TMCO5A: variants seen among roughly 807,000 people sequenced by gnomAD.
The protein encoded by TMCO5A is transmembrane and coiled-coil domain-containing protein 5A.
In TMCO5A, 34 loss-of-function variants were observed where a neutral mutation model predicts 42.3. The ratio of observed to expected loss-of-function variants is 0.80; its 90% CI spans 0.61 to 1.07. The LOEUF is 1.07. Ranked by LOEUF, TMCO5A falls within the 50% of genes least tolerant of loss-of-function variation. The pLI, the probability that TMCO5A is intolerant of heterozygous loss-of-function variation, is 0.00. For missense variants in TMCO5A, 357 were observed against 327.9 expected (o/e 1.09, Z -0.69); for synonymous variants, 131 against 115.6 (o/e 1.13, Z -0.86).
At chr15:37,942,418 C>T (rs1889780629) in intron 9 of TMCO5A, 163 bp downstream of exon 9, 1 of 603,842 alleles carries the variant, frequency 1.7e-6, no homozygotes, top group Non-Finnish European at 2.9e-6. Flanking sequence ...GTAGATCACA[C>T]CAACTTAAAA....
the TMCO5A span, among the ~76,000 whole-genome samples, chr15:38,033,611 TTTTTG>T: frequency 3.9e-5 from 6 of 151,978 alleles, no homozygotes; most frequent in East Asian, 7.7e-4. Flanking sequence ...TGTTTGGGTT[TTTTTG>T]TTTTGTTTTG....
chr15:37,973,428 G>T, the TMCO5A span, among the ~76,000 whole-genome samples: 1 of 152,048 alleles, frequency 6.6e-6, no homozygotes, highest in Admixed American at 6.6e-5. Context: ...CATAAGCATT[G>T]AATATGTCAT....
chr15:37,974,682 C>T, the TMCO5A span, among the ~76,000 whole-genome samples: 1 of 151,626 alleles, frequency 6.6e-6, no homozygotes, highest in Non-Finnish European at 1.5e-5. Flanking sequence ...TAATCTTATT[C>T]TTTCAAAAAA....
At chr15:37,979,336 C>T in the TMCO5A span, among the ~76,000 whole-genome samples, 5,471 of 151,826 alleles carry the variant, frequency 0.036, 327 homozygotes, top group African/African-American at 0.12. Context: ...AACAGGTCTG[C>T]CCACTATTGC....
chr15:37,968,998 T>C (rs1214595527), downstream of TMCO5A, among the ~76,000 whole-genome samples: 1 of 152,162 alleles, frequency 6.6e-6, no homozygotes, highest in Non-Finnish European at 1.5e-5. Context: ...TACTGTGTAG[T>C]GTTGGGAATA....
the TMCO5A span, among the ~76,000 whole-genome samples, chr15:37,986,033 A>G: frequency 1.3e-5 from 2 of 152,170 alleles, no homozygotes; most frequent in African/African-American, 4.8e-5. Flanking sequence ...ACTAGAAAAA[A>G]ACAACTGAGA....
At chr15:38,001,929 G>A in the TMCO5A span, among the ~76,000 whole-genome samples, 1 of 151,862 alleles carries the variant, frequency 6.6e-6, no homozygotes, top group Non-Finnish European at 1.5e-5. Context: ...TTTAGTCTTT[G>A]TACTCAAGAT....
chr15:37,951,809 G>C (rs1414701552), downstream of TMCO5A, among the ~76,000 whole-genome samples: 1 of 152,066 alleles, frequency 6.6e-6, no homozygotes, highest in Admixed American at 6.6e-5. Context: ...AATCAGGAGA[G>C]CACTCAGAGT....
intron 8 of TMCO5A, 57 bp downstream of exon 8, chr15:37,941,787 G>A: frequency 6.9e-7 from 1 of 1,448,324 alleles, no homozygotes; most frequent in South Asian, 1.1e-5. Context: ...GGATGAAATA[G>A]AACAAGGATT....
At chr15:38,034,762 C>T in the TMCO5A span, among the ~76,000 whole-genome samples, 1 of 152,176 alleles carries the variant, frequency 6.6e-6, no homozygotes, top group Non-Finnish European at 1.5e-5. Flanking sequence ...CACCAGGATA[C>T]CCAATGGACA....
the TMCO5A span, among the ~76,000 whole-genome samples, chr15:37,989,078 T>C: frequency 2.6e-5 from 4 of 151,986 alleles, no homozygotes; most frequent in Non-Finnish European, 5.9e-5. Context: ...GTTTTGTGTT[T>C]CTAGGAATTT....
the TMCO5A span, among the ~76,000 whole-genome samples, chr15:38,006,233 G>A: frequency 6.6e-6 from 1 of 152,228 alleles, no homozygotes; most frequent in Non-Finnish European, 1.5e-5. Context: ...TTCTTCATGA[G>A]AGGCAAGGTG....
chr15:37,954,246 G>A (rs1329165498), downstream of TMCO5A, among the ~76,000 whole-genome samples: 3 of 152,076 alleles, frequency 2.0e-5, no homozygotes, highest in East Asian at 5.8e-4. Flanking sequence ...ACTATGTCAA[G>A]GCATTTAATA....
chr15:37,978,921 G>A, the TMCO5A span, among the ~76,000 whole-genome samples: 1 of 151,812 alleles, frequency 6.6e-6, no homozygotes, highest in African/African-American at 2.4e-5. Context: ...AATGGCAGGA[G>A]CAGGACCAAG....
At chr15:37,968,112 T>C (rs1403988257), downstream of TMCO5A, among the ~76,000 whole-genome samples, 1 of 152,218 alleles carries the variant, frequency 6.6e-6, no homozygotes, top group Non-Finnish European at 1.5e-5. Flanking sequence ...CAGTGCTAAG[T>C]GCAGATAACA....
the TMCO5A span, among the ~76,000 whole-genome samples, chr15:38,023,510 C>G: frequency 6.6e-6 from 1 of 152,174 alleles, no homozygotes. Flanking sequence ...GGTAAACATT[C>G]TAAGAGGACT....
the TMCO5A span, among the ~76,000 whole-genome samples, chr15:37,982,834 A>T: frequency 1.8e-4 from 27 of 148,582 alleles, no homozygotes; most frequent in Non-Finnish European, 3.7e-4. Flanking sequence ...GTGTGTGTAT[A>T]TATATATTTA....
the TMCO5A span, among the ~76,000 whole-genome samples, chr15:37,975,247 T>G: frequency 6.6e-6 from 1 of 152,198 alleles, no homozygotes; most frequent in African/African-American, 2.4e-5. Context: ...GTTAAGTGTA[T>G]GTTAGGCCCA....
At chr15:38,000,279 T>A in the TMCO5A span, among the ~76,000 whole-genome samples, 2 of 152,166 alleles carry the variant, frequency 1.3e-5, no homozygotes, top group Non-Finnish European at 2.9e-5. Flanking sequence ...TTTAACCATT[T>A]CTTTAGGTTT....
Sources: gnomAD v4.1 joint callset for allele counts (sites outside exome capture counted in the v4.1 genomes callset) on GRCh38, gnomAD v4.1.1 for gene constraint, MANE v1.5 for transcripts, NCBI Gene and HGNC (gene_info 2026-07-23, HGNC 2026-07-21) for gene names.